Variants in LAMA4 observed in about 807,000 individuals in gnomAD.
The protein encoded by LAMA4 is laminin subunit alpha-4.
LAMA4 carries 127 observed loss-of-function variants against 207.1 expected under a neutral mutation model. The observed-to-expected ratio is 0.61, with a 90% CI of 0.53 to 0.71. The LOEUF (loss-of-function observed/expected upper bound fraction) is 0.71. LAMA4 is among the 30% of genes least tolerant of loss of function. The probability of loss-of-function intolerance (pLI) is 0.00; values close to 1 mark genes in which losing one functional copy is unlikely to be tolerated. For missense variants in LAMA4, 2,093 were observed against 2,246.5 expected, an observed-to-expected ratio of 0.93 and a Z score of 1.38; for synonymous variants, 761 against 816.0, an observed-to-expected ratio of 0.93 and a Z score of 1.15.
intron 31 of LAMA4, among the ~76,000 whole-genome samples, chr6:112,126,259 T>A (rs1299751711): frequency 6.6e-6 from 1 of 152,222 alleles, no homozygotes; most frequent in Non-Finnish European, 1.5e-5. Flanking sequence ...ATGTCCCTCA[T>A]CAGCCTGTAA....
rs1227147154 is a variant in LAMA4 at position 112,254,503 on chromosome 6, C to A, written c.-186G>T. 1.6e-5 allele frequency: 6 copies of A among 373,584 alleles called. No homozygotes were observed. The highest frequency in any genetic ancestry group is 1.3e-4 in the African/African-American group (6 of 47,878). The allele number at this position is 373,584 out of a possible 1,614,324, so 23.1% of individuals were successfully genotyped here. A position where few individuals can be genotyped will look rare whatever the true frequency, so the allele number is the denominator to read the frequency against. ...GACGGATTGGGGTGAGCCCCGCCAG[C>A]GCTAGGCCACCTCCTCTCCCTGGCC... On this transcript the variant is annotated 5_prime_UTR_variant, in exon 1 of 39. Transcript: ENST00000230538.
chr6:112,173,807 C>A (rs1781861656), intron 11 of LAMA4, among the ~76,000 whole-genome samples: 1 of 152,168 alleles, frequency 6.6e-6, no homozygotes, highest in Non-Finnish European at 1.5e-5. Context: ...TGCCCTTTAT[C>A]CCTTTTTGTG....
At chr6:112,241,787 C>T (rs1554187796) in intron 2 of LAMA4, among the ~76,000 whole-genome samples, 1 of 152,160 alleles carries the variant, frequency 6.6e-6, no homozygotes, top group African/African-American at 2.4e-5. Flanking sequence ...GAGAAGGAGA[C>T]ACAGACCTGA....
chr6:112,178,356 C>A (rs955005741), intron 9 of LAMA4, 124 bp from the exon 10 acceptor site: 1 of 722,206 alleles, frequency 1.4e-6, no homozygotes, highest in South Asian at 1.5e-5. Context: ...TGTGAAAGTT[C>A]TATAACACAT....
At chr6:112,199,189 T>C (rs1229046191) in intron 5 of LAMA4, among the ~76,000 whole-genome samples, 2 of 152,158 alleles carry the variant, frequency 1.3e-5, no homozygotes, top group African/African-American at 4.8e-5. Flanking sequence ...GAGGTGGGCG[T>C]GCAGTCCTGC....
intron 12 of LAMA4, among the ~76,000 whole-genome samples, chr6:112,166,910 CAACAGCAACAAA>C (rs1157968285): frequency 6.6e-6 from 1 of 152,084 alleles, no homozygotes; most frequent in African/African-American, 2.4e-5. Flanking sequence ...ACAGCAACAG[CAACAGCAACAAA>C]AACAACAAAA....
intron 19 of LAMA4, among the ~76,000 whole-genome samples, chr6:112,143,315 C>T (rs1779820271): frequency 7.4e-6 from 1 of 135,700 alleles, no homozygotes. Flanking sequence ...GAGACACAGT[C>T]TCACTGTCAC....
intron 10 of LAMA4, among the ~76,000 whole-genome samples, chr6:112,176,811 C>G (rs1472492524): frequency 2.0e-5 from 3 of 152,170 alleles, no homozygotes; most frequent in Admixed American, 2.0e-4. Context: ...ACGATTCACA[C>G]ATTATTTTAA....
intron 3 of LAMA4, among the ~76,000 whole-genome samples, chr6:112,209,705 T>A (rs1554355733): frequency 6.6e-6 from 1 of 152,236 alleles, no homozygotes; most frequent in African/African-American, 2.4e-5. Flanking sequence ...CTAGCTCTGA[T>A]AATTTTTTAC....
chr6:112,253,566 C>A, intron 2 of LAMA4: 1 of 621,164 alleles, frequency 1.6e-6, no homozygotes, highest in South Asian at 1.8e-5. Context: ...GTCCTAACAG[C>A]ACAGAGGAGC....
intron 9 of LAMA4, chr6:112,178,535 T>C: frequency 2.6e-6 from 1 of 377,800 alleles, no homozygotes. Context: ...ACCCGAGCAG[T>C]ATACACTGCA....
intron 2 of LAMA4, among the ~76,000 whole-genome samples, chr6:112,242,851 T>G (rs1181387876): frequency 6.6e-6 from 1 of 152,222 alleles, no homozygotes; most frequent in Non-Finnish European, 1.5e-5. Flanking sequence ...AATGTGAGTA[T>G]TTCATGTTGA....
chr6:112,199,065 T>C (rs1226648550), intron 5 of LAMA4, among the ~76,000 whole-genome samples: 1 of 152,182 alleles, frequency 6.6e-6, no homozygotes, highest in African/African-American at 2.4e-5. Context: ...ACCAGTGCTC[T>C]TGTCTGGAGC....
chr6:112,129,110 A>C (rs1778873413), intron 30 of LAMA4, 35 bp from the exon 31 acceptor site: 1 of 1,558,948 alleles, frequency 6.4e-7, no homozygotes, highest in Non-Finnish European at 8.8e-7. Context: ...TAAATATTAA[A>C]AATATTGTTC....
At chr6:112,164,521 T>C (rs1267231370) in intron 13 of LAMA4, among the ~76,000 whole-genome samples, 1 of 152,160 alleles carries the variant, frequency 6.6e-6, no homozygotes, top group Non-Finnish European at 1.5e-5. Flanking sequence ...TTCATCCATA[T>C]GGATTTTGCT....
chr6:112,179,315 G>C (rs1233443536), intron 9 of LAMA4: 6 of 152,282 alleles, frequency 3.9e-5, no homozygotes, highest in Non-Finnish European at 7.3e-5. Context: ...TGTGATCTAA[G>C]AGCACAGAAA....
intron 9 of LAMA4, among the ~76,000 whole-genome samples, chr6:112,182,617 C>T (rs782201497): frequency 6.6e-6 from 1 of 152,150 alleles, no homozygotes; most frequent in African/African-American, 2.4e-5. Flanking sequence ...CAGGTAGCTT[C>T]TGCTGTGGTT....
intron 14 of LAMA4, chr6:112,158,445 G>A (rs1407970251): frequency 2.0e-5 from 8 of 398,222 alleles, no homozygotes; most frequent in South Asian, 1.3e-4. Context: ...CCCTCTTCCC[G>A]GAACACAGAC....
At chr6:112,187,419 A>G (rs1554347042) in intron 8 of LAMA4, 31 bp downstream of exon 8, 1 of 1,613,924 alleles carries the variant, frequency 6.2e-7, no homozygotes, top group Admixed American at 1.7e-5. Flanking sequence ...CAGGATGAAA[A>G]CAGAGTGGAA....
Sources: allele counts gnomAD v4.1 joint callset (sites outside exome capture counted in the v4.1 genomes callset), GRCh38; gene constraint gnomAD v4.1.1; transcripts MANE v1.5; gene names NCBI Gene and HGNC (gene_info 2026-07-23, HGNC 2026-07-21).